Variants in FSTL1 observed in about 807,000 individuals in gnomAD.
The protein encoded by FSTL1 is follistatin like 1.
Under a neutral mutation model 45.9 loss-of-function variants are expected in FSTL1, and 24 were observed. The observed-to-expected ratio is 0.52, with a 90% confidence interval of 0.38 to 0.74. The LOEUF (loss-of-function observed/expected upper bound fraction) is 0.74. Among genes scored for constraint, FSTL1 ranks in the 30% least tolerant of loss-of-function variants. The pLI is 0.00. For synonymous variants in FSTL1, 120 were observed against 137.6 expected (o/e 0.87, Z 0.89); for missense variants, 340 against 381.8 (o/e 0.89, Z 0.91).
intron 3 of FSTL1, among the ~76,000 whole-genome samples, chr3:120,412,805 AACACACACACATGTGCGCGCGCGCGCGC>A (rs1937084678): frequency 1.4e-5 from 2 of 143,092 alleles, no homozygotes; most frequent in Non-Finnish European, 3.0e-5. Flanking sequence ...CAGGCAGGCA[AACACACACACATGTGCGCGCGCGCGCGC>A]GCGCGCACAC....
In FSTL1 at chr3:120,404,993, C is replaced by T. The variant is rs752881149; in HGVS notation, c.463-22G>A. The T allele has an allele frequency of 1.1e-5, 14 of 1,219,644 alleles. No homozygotes were observed. The Admixed American group carries it at 1.3e-4, about 12-fold the overall frequency. 75.6% of individuals were successfully genotyped at this position (1,219,644 alleles called of 1,614,324 possible). A position where few individuals can be genotyped will look rare whatever the true frequency, so the allele number is the denominator to read the frequency against. ...AGTTCTAGAAAGGGCATGACAAGATCGTTCAGGGATGTTTTGCAGAACCCC... is the reference window on the plus strand; with the variant it reads ...AGTTCTAGAAAGGGCATGACAAGATTGTTCAGGGATGTTTTGCAGAACCCC... On this transcript the variant is annotated intron_variant, in intron 6 of 10. Transcript: ENST00000295633.
intron 2 of FSTL1, among the ~76,000 whole-genome samples, chr3:120,439,110 A>AGCGGAGAGGCGT (rs1401687347): frequency 6.6e-6 from 1 of 152,168 alleles, no homozygotes; most frequent in Non-Finnish European, 1.5e-5. Flanking sequence ...GGCCTCTCCC[A>AGCGGAGAGGCGT]GCGGAGAGGC....
chr3:120,392,306 G>A lies in FSTL1; in HGVS notation c.*4646C>T, dbSNP rs1386134813. 6.6e-6 allele frequency: 1 copy of A among 152,232 alleles called. No homozygotes were observed. Among genetic ancestry groups the A allele is most frequent in the East Asian group, 1.9e-4 (1 of 5,180 alleles). The allele number at this position is 152,232 out of a possible 1,614,324, so 9.4% of individuals were successfully genotyped here. ...GACAAGAACCAATTATTCATGAGAT[G>A]ATATTTAATCTTACAAAAGGAATAA... On this transcript the variant is annotated 3_prime_UTR_variant, in exon 11 of 11. Transcript: ENST00000295633.
At chr3:120,398,791 G>A (rs1249051461) in intron 10 of FSTL1, among the ~76,000 whole-genome samples, 1 of 152,144 alleles carries the variant, frequency 6.6e-6, no homozygotes, top group African/African-American at 2.4e-5. Flanking sequence ...AATTCACTCT[G>A]TACTGTCTGA....
chr3:120,407,419 A>G (rs1936967638), intron 6 of FSTL1, among the ~76,000 whole-genome samples: 1 of 152,212 alleles, frequency 6.6e-6, no homozygotes, highest in African/African-American at 2.4e-5. Context: ...AAATTCCAAG[A>G]GCATGGAAGG....
chr3:120,421,677 T>C (rs575913723), intron 2 of FSTL1: 3 of 152,376 alleles, frequency 2.0e-5, no homozygotes, highest in South Asian at 2.1e-4. Flanking sequence ...ATCCTGCATA[T>C]GCTATGGACA....
At chr3:120,412,826 G>GCA (rs1261373243) in intron 3 of FSTL1, among the ~76,000 whole-genome samples, 7 of 56,338 alleles carry the variant, frequency 1.2e-4, no homozygotes, top group Admixed American at 1.1e-3. Flanking sequence ...ATGTGCGCGC[G>GCA]CGCGCGCGCG....
rs1345540723 is a variant in FSTL1, at chr3:120,450,933, G to GGAC, written c.-40_-38dup. On this transcript the variant is annotated 5_prime_UTR_variant, in exon 1 of 11. Coordinates refer to ENST00000295633, the MANE Select transcript of FSTL1 (RefSeq NM_007085.5). ...CCAGGTCTCCTGGGGGCGCGGGGCA[G>GGAC]GACGGCGGCAGCGAGCTGTAAGCGG... 2.1e-6 allele frequency: 1 copy of GGAC among 482,428 alleles called. No individual in the cohort carries two copies. Among genetic ancestry groups the GGAC allele is most frequent in the African/African-American group, 2.0e-5 (1 of 49,010 alleles). 29.9% of individuals were successfully genotyped at this position (482,428 alleles called of 1,614,324 possible). A position where few individuals can be genotyped will look rare whatever the true frequency, so the allele number is the denominator to read the frequency against.
At chr3:120,403,940 A>C (rs868530732) in intron 7 of FSTL1, among the ~76,000 whole-genome samples, 9 of 85,604 alleles carry the variant, frequency 1.1e-4, no homozygotes, top group Admixed American at 5.5e-4. Context: ...AAAAAAAAAA[A>C]AAAACAAAAA....
At chr3:120,397,859 A>G (rs549004703) in intron 10 of FSTL1, among the ~76,000 whole-genome samples, 2 of 152,330 alleles carry the variant, frequency 1.3e-5, no homozygotes, top group African/African-American at 4.8e-5. Context: ...CAACCTAAAT[A>G]TCCATTAAAT....
At position 120,428,017 on chromosome 3, in the gene FSTL1, T is replaced by C. The variant is rs74896998; in HGVS notation, c.64-11990A>G. Among the ~76,000 whole-genome samples the C allele has an allele frequency of 2.0e-5, 3 of 152,286 alleles. No homozygotes were observed. The East Asian group carries it at 5.8e-4, about 29-fold the overall frequency. ...TGGGCTTATTATCTGAGGCCAGTGC[T>C]TTGCGTGAACTCTTCTGAGGAACCC... is the stretch of plus-strand genomic sequence containing the variant. On this transcript the variant is annotated intron_variant, in intron 2 of 10. Transcript: ENST00000295633.
At chr3:120,440,104 T>C (rs1937612752) in intron 2 of FSTL1, among the ~76,000 whole-genome samples, 1 of 152,056 alleles carries the variant, frequency 6.6e-6, no homozygotes, top group South Asian at 2.1e-4. Flanking sequence ...CAGAGCAAGA[T>C]CCTGTGTCAA....
intron 10 of FSTL1, among the ~76,000 whole-genome samples, chr3:120,397,315 T>C (rs16831134): frequency 0.052 from 7,895 of 152,262 alleles, 428 homozygotes; most frequent in Admixed American, 0.17. Flanking sequence ...AAGATGTTCT[T>C]AATCCAACAA....
At chr3:120,437,339 A>G (rs1937581145) in intron 2 of FSTL1, among the ~76,000 whole-genome samples, 1 of 152,238 alleles carries the variant, frequency 6.6e-6, no homozygotes, top group Non-Finnish European at 1.5e-5. Context: ...TGAATGAATG[A>G]CATGCACTTA....
At chr3:120,416,650 T>C (rs866796118) in intron 2 of FSTL1, among the ~76,000 whole-genome samples, 3 of 152,198 alleles carry the variant, frequency 2.0e-5, no homozygotes, top group Admixed American at 6.5e-5. Context: ...CATTATCATC[T>C]CAAAGGGCAA....
intron 3 of FSTL1, among the ~76,000 whole-genome samples, chr3:120,412,341 A>G (rs1353257612): frequency 6.6e-6 from 1 of 152,242 alleles, no homozygotes; most frequent in Non-Finnish European, 1.5e-5. Context: ...TGATTAGGTC[A>G]TGAGGACTCC....
At chr3:120,414,613 G>A (rs1231680783) in intron 3 of FSTL1, among the ~76,000 whole-genome samples, 1 of 152,104 alleles carries the variant, frequency 6.6e-6, no homozygotes, top group Non-Finnish European at 1.5e-5. Flanking sequence ...GAAAGAAGTA[G>A]ACATGGGAGA....
chr3:120,416,322 G>A (rs1208480979), intron 2 of FSTL1, among the ~76,000 whole-genome samples: 2 of 152,108 alleles, frequency 1.3e-5, no homozygotes, highest in Non-Finnish European at 2.9e-5. Context: ...AATGCTTGTT[G>A]AGCACCAATT....
At chr3:120,418,384 C>T (rs944204583) in intron 2 of FSTL1, among the ~76,000 whole-genome samples, 2 of 152,140 alleles carry the variant, frequency 1.3e-5, no homozygotes, top group African/African-American at 4.8e-5. Context: ...GATAACTAAA[C>T]TCCCATTTAT....
Sources: allele counts gnomAD v4.1 joint callset (sites outside exome capture counted in the v4.1 genomes callset), GRCh38; gene constraint gnomAD v4.1.1; transcripts MANE v1.5; gene names NCBI Gene and HGNC (gene_info 2026-07-23, HGNC 2026-07-21).